GBE1: variants seen among roughly 807,000 people sequenced by gnomAD.
GBE1 encodes 1,4-alpha-glucan-branching enzyme.
In GBE1, 70 loss-of-function variants were observed where a neutral mutation model predicts 88.8. The ratio of observed to expected loss-of-function variants is 0.79; its 90% CI spans 0.65 to 0.96. GBE1 has a LOEUF of 0.96. Ranked by LOEUF, GBE1 falls within the 40% of genes least tolerant of loss-of-function variation. The pLI, the probability that GBE1 is intolerant of heterozygous loss-of-function variation, is 0.00. For missense variants in GBE1, 872 were observed against 871.0 expected, an observed-to-expected ratio of 1.00 and a Z score of -0.01; for synonymous variants, 284 against 300.1, an observed-to-expected ratio of 0.95 and a Z score of 0.56.
intron 5 of GBE1, among the ~76,000 whole-genome samples, chr3:81,648,071 G>A (rs1704791756): frequency 6.6e-6 from 1 of 151,666 alleles, no homozygotes; most frequent in Non-Finnish European, 1.5e-5. Context: ...TTGGTTTCTG[G>A]AACCTGACTT....
intron 2 of GBE1, among the ~76,000 whole-genome samples, chr3:81,697,143 C>T (rs1254070496): frequency 6.6e-6 from 1 of 152,186 alleles, no homozygotes; most frequent in Non-Finnish European, 1.5e-5. Context: ...GTTGGGATTC[C>T]CATGGTCCCC....
At chr3:81,636,700 T>C (rs1395329094) in intron 7 of GBE1, among the ~76,000 whole-genome samples, 1 of 152,034 alleles carries the variant, frequency 6.6e-6, no homozygotes, top group Admixed American at 6.6e-5. Flanking sequence ...CCAGCTAATT[T>C]TGTATTTTTA....
chr3:81,712,800 A>C (rs1043986675), intron 1 of GBE1, among the ~76,000 whole-genome samples: 2 of 143,028 alleles, frequency 1.4e-5, no homozygotes, highest in African/African-American at 5.9e-5. Flanking sequence ...AGTATAATAA[A>C]AATAAATAAA....
At chr3:81,619,981 T>C (rs983823424) in intron 7 of GBE1, among the ~76,000 whole-genome samples, 5 of 151,992 alleles carry the variant, frequency 3.3e-5, no homozygotes, top group African/African-American at 1.2e-4. Flanking sequence ...AACATATACA[T>C]TTATGAGCTA....
At chr3:81,609,572 T>G (rs1704145542) in intron 7 of GBE1, among the ~76,000 whole-genome samples, 1 of 152,134 alleles carries the variant, frequency 6.6e-6, no homozygotes, top group African/African-American at 2.4e-5. Flanking sequence ...TTTTTTGGTT[T>G]TTGTTTGTTT....
At chr3:81,490,679 C>T (rs567611047) in intron 15 of GBE1, among the ~76,000 whole-genome samples, 2 of 152,060 alleles carry the variant, frequency 1.3e-5, no homozygotes, top group South Asian at 2.1e-4. Context: ...GGGCGCCATA[C>T]GACTTAATGA....
At position 81,513,364 on chromosome 3, in the gene GBE1, T is replaced by C. The variant is rs144712137; in HGVS notation, c.1935-14137A>G. Among the ~76,000 whole-genome samples, 8 of 151,674 alleles carry C rather than the reference T, an allele frequency of 5.3e-5. No individual in the cohort carries two copies. In the East Asian group the frequency reaches 1.6e-3, roughly 29 times the overall value. ...AACAGAAGAGTTTCAATTCCAGTAC[T>C]GCGAAAGGACTGAAAGGAATCACTG... On this transcript the variant is annotated intron_variant, in intron 14 of 15. Transcript: ENST00000429644.
chr3:81,684,822 G>A (rs1004914673), intron 2 of GBE1, among the ~76,000 whole-genome samples: 3 of 152,038 alleles, frequency 2.0e-5, no homozygotes, highest in Non-Finnish European at 2.9e-5. Context: ...TGTCAATATA[G>A]CAGCTACACC....
intron 11 of GBE1, among the ~76,000 whole-genome samples, chr3:81,579,918 C>T (rs918149122): frequency 5.9e-5 from 9 of 152,068 alleles, no homozygotes; most frequent in African/African-American, 1.9e-4. Flanking sequence ...AAGGAGAATA[C>T]GTAAACAAAT....
intron 11 of GBE1, among the ~76,000 whole-genome samples, chr3:81,578,351 A>G (rs1426855681): frequency 1.3e-5 from 2 of 152,072 alleles, no homozygotes; most frequent in Non-Finnish European, 2.9e-5. Context: ...TGAAAGATTC[A>G]TGATAAGGTA....
At chr3:81,721,715 T>G (rs1005622298) in intron 1 of GBE1, among the ~76,000 whole-genome samples, 1 of 152,190 alleles carries the variant, frequency 6.6e-6, no homozygotes, top group Non-Finnish European at 1.5e-5. Flanking sequence ...ACAGCAACCA[T>G]TAAGAAACAG....
chr3:81,564,532 A>G (rs1291237885), intron 12 of GBE1, among the ~76,000 whole-genome samples: 2 of 152,182 alleles, frequency 1.3e-5, no homozygotes, highest in African/African-American at 2.4e-5. Context: ...CCAGAATATT[A>G]GTATAATCTT....
At chr3:81,652,915 A>G (rs980046958) in intron 3 of GBE1, among the ~76,000 whole-genome samples, 9 of 152,328 alleles carry the variant, frequency 5.9e-5, no homozygotes, top group African/African-American at 2.2e-4. Context: ...CAATGAGTTC[A>G]AATTCCAGTC....
intron 2 of GBE1, among the ~76,000 whole-genome samples, chr3:81,700,053 G>A (rs192330217): frequency 6.6e-6 from 1 of 152,256 alleles, no homozygotes; most frequent in Admixed American, 6.5e-5. Flanking sequence ...CCCCATATTG[G>A]GGTTACTCCA....
chr3:81,600,292 CTAAA>C (rs1233871463), intron 7 of GBE1, among the ~76,000 whole-genome samples: 1 of 148,882 alleles, frequency 6.7e-6, no homozygotes, highest in Non-Finnish European at 1.5e-5. Flanking sequence ...AAATAAATGA[CTAAA>C]TAAGCTATTA....
At chr3:81,740,766 G>GCACACACACA (rs71633686) in intron 1 of GBE1, among the ~76,000 whole-genome samples, 37,879 of 149,100 alleles carry the variant, frequency 0.25, 4,856 homozygotes, top group East Asian at 0.42. Flanking sequence ...GTTAGAAAGT[G>GCACACACACA]CACACACACA....
intron 3 of GBE1, among the ~76,000 whole-genome samples, chr3:81,661,583 G>A (rs958201225): frequency 1.3e-5 from 2 of 152,158 alleles, no homozygotes; most frequent in Non-Finnish European, 2.9e-5. Context: ...TTGGACAGCA[G>A]TTTTCAACCC....
At chr3:81,575,483 G>T (rs1226140246) in intron 12 of GBE1, among the ~76,000 whole-genome samples, 1 of 152,000 alleles carries the variant, frequency 6.6e-6, no homozygotes, top group African/African-American at 2.4e-5. Context: ...TTGATAAACA[G>T]AACATATATC....
rs76154843 is a variant in GBE1, at chr3:81,613,483, T to C, written c.993-19460A>G. ...GGGATCAGAGAGCACACTGTGTCTC[T>C]ATGTGAATATGGACAGTTAGCATAT... On this transcript the variant is annotated intron_variant, in intron 7 of 15. Coordinates refer to ENST00000429644, the MANE Select transcript of GBE1 (RefSeq NM_000158.4). 1.0e-2 allele frequency among the ~76,000 whole-genome samples: 1,516 copies of C among 152,202 alleles called. 20 individuals are homozygous for C. The highest frequency in any genetic ancestry group is 0.035 in the African/African-American group (1,440 of 41,522).
Sources: gnomAD v4.1 joint callset for allele counts (sites outside exome capture counted in the v4.1 genomes callset) on GRCh38, gnomAD v4.1.1 for gene constraint, MANE v1.5 for transcripts, NCBI Gene and HGNC (gene_info 2026-07-23, HGNC 2026-07-21) for gene names.